The following YARS1 variants were observed in gnomAD, a reference collection of about 807,000 sequenced individuals.
YARS1 encodes tyrosyl-tRNA synthetase 1.
Under a neutral mutation model 62.2 loss-of-function variants are expected in YARS1, and 36 were observed. That is an observed-to-expected ratio of 0.58 (90% CI 0.44 to 0.76). The LOEUF (loss-of-function observed/expected upper bound fraction) is 0.76, where lower values mean the gene tolerates loss of function less well. YARS1 is among the 30% of genes least tolerant of loss of function. The pLI, the probability that YARS1 is intolerant of heterozygous loss-of-function variation, is 0.00. For synonymous variants in YARS1, 234 were observed against 244.9 expected (o/e 0.96, Z 0.42); for missense variants, 524 against 639.8 (o/e 0.82, Z 1.95).
rs749596742 is a variant in YARS1 at position 32,776,062 on chromosome 1, G to A, written c.1506C>T (p.Ile502=). The part of the protein sequence containing the change: ...QADFKISEEC[I]AQWKQTNFMT... The stretch of plus-strand genomic sequence containing the variant: ...TGAAGTTGGTTTGCTTCCACTGTGC[G>A]ATGCACTCCTCAGAAATTTTGAAGT... Residue 502 remains isoleucine, a synonymous_variant, in exon 13 of 13, where the codon ATC becomes ATT. Coordinates refer to ENST00000373477, the MANE Select transcript of YARS1 (RefSeq NM_003680.4). This position sits in a 1 kb window ranked among gnomAD's most constrained non-coding sequence, Gnocchi z 4.0. 5.6e-6 allele frequency: 9 copies of A among 1,614,116 alleles called. 1 individual carries two copies. The South Asian group carries it at 6.6e-5, about 12-fold the overall frequency.
intron 9 of YARS1, chr1:32,781,827 T>C (rs1569711031): frequency 1.9e-5 from 3 of 161,834 alleles, no homozygotes; most frequent in South Asian, 3.4e-4. Flanking sequence ...TTTTCTTTTT[T>C]TGAGACATAG....
At chr1:32,813,814 T>C (rs973636155) in intron 1 of YARS1, among the ~76,000 whole-genome samples, 3 of 152,216 alleles carry the variant, frequency 2.0e-5, no homozygotes, top group African/African-American at 7.2e-5. Context: ...GACCTTCACG[T>C]TGCTAAATTC....
At position 32,782,551 on chromosome 1, in the gene YARS1, A is replaced by C; in HGVS notation, c.907-12T>G. 6.2e-7 allele frequency: 1 copy of C among 1,614,160 alleles called. No individual in the cohort carries two copies. On this transcript the variant is annotated splice_polypyrimidine_tract_variant and intron_variant, in intron 8 of 12. Transcript: ENST00000373477. ...CCAGGATGTACAACCTGCAGAATCG[A>C]ACAAGACCTAGTGAGATAAAGTCTA... is the stretch of plus-strand genomic sequence containing the variant.
chr1:32,796,360 T>A (rs1252234988), intron 5 of YARS1, among the ~76,000 whole-genome samples: 1 of 147,974 alleles, frequency 6.8e-6, no homozygotes, highest in Non-Finnish European at 1.5e-5. Flanking sequence ...GTATTTATTT[T>A]TTTCTTTTTT....
intron 5 of YARS1, among the ~76,000 whole-genome samples, chr1:32,792,351 C>A (rs940784831): frequency 1.3e-5 from 2 of 152,212 alleles, no homozygotes; most frequent in African/African-American, 2.4e-5. Flanking sequence ...AAACCAACCC[C>A]TGACAGAACC....
In YARS1 at chr1:32,780,815, C is replaced by T. The variant is rs143832146; in HGVS notation, c.1140+233G>A. The T allele has an allele frequency of 1.4e-3, 820 of 581,138 alleles. 3 individuals carry two copies. Among genetic ancestry groups the T allele is most frequent in the Admixed American group, 2.4e-3 (89 of 37,840 alleles). The allele number at this position is 581,138 out of a possible 1,614,324, so 36.0% of individuals were successfully genotyped here. A position where few individuals can be genotyped will look rare whatever the true frequency, so the allele number is the denominator to read the frequency against. Reference sequence around the variant, plus strand: ...CCAGATTTAACAGATAAACAAGTTCCCTCTGACTAACATCCGTCCCCCATG... The same window carrying T: ...CCAGATTTAACAGATAAACAAGTTCTCTCTGACTAACATCCGTCCCCCATG... On this transcript the variant is annotated intron_variant, in intron 10 of 12. Transcript: ENST00000373477.
chr1:32,786,155 A>T (rs1440068991), intron 8 of YARS1, among the ~76,000 whole-genome samples: 2 of 152,188 alleles, frequency 1.3e-5, no homozygotes, highest in Admixed American at 1.3e-4. Context: ...AAAATTCCTA[A>T]GTCAGAAAAG....
chr1:32,813,785 T>C (rs1638636505), intron 1 of YARS1, among the ~76,000 whole-genome samples: 1 of 152,160 alleles, frequency 6.6e-6, no homozygotes, highest in South Asian at 2.1e-4. Context: ...TCACACATAA[T>C]CTTGCTAAGA....
intron 6 of YARS1, among the ~76,000 whole-genome samples, chr1:32,788,808 C>T (rs759088527): frequency 6.6e-6 from 1 of 152,130 alleles, no homozygotes; most frequent in African/African-American, 2.4e-5. Context: ...CTCTAGCAAT[C>T]CTCCTGCCTC....
intron 5 of YARS1, among the ~76,000 whole-genome samples, chr1:32,792,589 T>C (rs1213789346): frequency 6.6e-6 from 1 of 152,050 alleles, no homozygotes; most frequent in African/African-American, 2.4e-5. Flanking sequence ...ATAACTGTGA[T>C]TGGTAGGTTA....
chr1:32,786,940 C>G lies in YARS1; in HGVS notation c.820G>C (p.Glu274Gln), dbSNP rs758897498. ...IKHVLFPLKS[E>Q]FVILRDEKWG... Reference sequence around the variant, plus strand: ...CTAGGAAGAAAACAGAGAGTGTTACCGGACTTAAGGGGAAAAAGGACATGC... The same window carrying G: ...CTAGGAAGAAAACAGAGAGTGTTACGGGACTTAAGGGGAAAAAGGACATGC... The change falls in exon 7 of 13, where the codon GAG (glutamate) becomes CAG (glutamine). Residue 274 changes from glutamate (E) to glutamine (Q), a missense_variant and splice_region_variant. Transcript: ENST00000373477. 5 of 1,613,828 alleles carry G rather than the reference C, an allele frequency of 3.1e-6. No homozygotes were observed. In the Admixed American group the frequency reaches 6.7e-5, roughly 22 times the overall value.
intron 12 of YARS1, among the ~76,000 whole-genome samples, 173 bp downstream of exon 12, chr1:32,779,209 C>A (rs922834580): frequency 1.3e-5 from 2 of 152,110 alleles, no homozygotes; most frequent in Non-Finnish European, 2.9e-5. Context: ...CCTAAGACCC[C>A]CATGCTCCTT....
intron 5 of YARS1, among the ~76,000 whole-genome samples, chr1:32,793,919 G>A (rs1653490738): frequency 6.6e-6 from 1 of 152,190 alleles, no homozygotes; most frequent in Admixed American, 6.5e-5. Flanking sequence ...TGAAAGAACT[G>A]CACTACAAAC....
At chr1:32,808,784 C>T (rs1052724129) in intron 3 of YARS1, among the ~76,000 whole-genome samples, 1 of 152,186 alleles carries the variant, frequency 6.6e-6, no homozygotes, top group African/African-American at 2.4e-5. Context: ...TTGAAACCCC[C>T]CGCTTCCTGA....
intron 12 of YARS1, among the ~76,000 whole-genome samples, chr1:32,778,118 T>C (rs908104590): frequency 3.9e-5 from 6 of 152,210 alleles, no homozygotes; most frequent in Non-Finnish European, 7.3e-5. Flanking sequence ...TCTATCTCAC[T>C]GAAGAAACAC....
Position 32,780,150 on chromosome 1 carries a change from C to A in YARS1, c.1269G>T (p.Leu423=). The change falls in exon 11 of 13, where the codon CTG becomes CTT. Residue 423 remains leucine (L), a synonymous_variant. Transcript: ENST00000373477. The part of the protein sequence containing the change: ...EELQDRLVVV[L]CNLKPQKMRG... ...TCATCTTCTGGGGTTTCAGGTTGCA[C>A]AGCACCACTACCAGCCTGTCCTGCA... 1 of 1,614,180 alleles carries A rather than the reference C, an allele frequency of 6.2e-7. No individual in the cohort carries two copies. Among genetic ancestry groups the A allele is most frequent in the African/African-American group, 1.3e-5 (1 of 75,046 alleles).
chr1:32,814,549 C>T (rs779893762), intron 1 of YARS1, among the ~76,000 whole-genome samples: 1 of 152,120 alleles, frequency 6.6e-6, no homozygotes, highest in Non-Finnish European at 1.5e-5. Context: ...GCCACCAGGC[C>T]AGAGAAATTT....
chr1:32,796,700 A>G (rs1334898223), intron 5 of YARS1, among the ~76,000 whole-genome samples: 1 of 151,610 alleles, frequency 6.6e-6, no homozygotes, highest in Non-Finnish European at 1.5e-5. Context: ...GCAGTGGCTC[A>G]CACCTGTAAT....
intron 5 of YARS1, among the ~76,000 whole-genome samples, chr1:32,794,844 A>G (rs1653522010): frequency 6.6e-6 from 1 of 151,634 alleles, no homozygotes; most frequent in African/African-American, 2.4e-5. Flanking sequence ...CATCTCTACT[A>G]AAAATACAAA....
Sources: allele counts gnomAD v4.1 joint callset (sites outside exome capture counted in the v4.1 genomes callset), GRCh38; gene constraint gnomAD v4.1.1; non-coding constraint Gnocchi (gnomAD v3.1); transcripts MANE v1.5; gene names NCBI Gene and HGNC (gene_info 2026-07-23, HGNC 2026-07-21).